SENP5: variants seen among roughly 807,000 people sequenced by gnomAD.
The protein encoded by SENP5 is SUMO specific peptidase 5, also known as sentrin-specific protease 5.
A neutral mutation model predicts 74.2 loss-of-function variants in SENP5; 21 were observed. That is an observed-to-expected ratio of 0.28 (90% confidence interval 0.20 to 0.41). The LOEUF is 0.41. Among genes scored for constraint, SENP5 ranks in the 10% least tolerant of loss-of-function variants. The pLI is 1.00. For synonymous variants in SENP5, 311 were observed against 312.7 expected (o/e 0.99, Z 0.06); for missense variants, 717 against 889.1 (o/e 0.81, Z 2.46).
Position 196,918,602 on chromosome 3 carries a change from G to C in SENP5, c.1885-4812G>C, listed in dbSNP as rs546324241. ...AACGCAAAGAAGGAAGGGAGGAAGG[G>C]AAGACCATAAAACAAGTAGAAAGCA... On this transcript the variant is annotated intron_variant, in intron 6 of 9. Transcript: ENST00000323460. Among the ~76,000 whole-genome samples, 14 of 151,974 alleles carry C rather than the reference G, an allele frequency of 9.2e-5. 1 individual carries two copies. The South Asian group carries it at 2.9e-3, about 32-fold the overall frequency.
chr3:196,897,366 A>C (rs564232019), intron 2 of SENP5, among the ~76,000 whole-genome samples: 1 of 152,208 alleles, frequency 6.6e-6, no homozygotes, highest in African/African-American at 2.4e-5. Flanking sequence ...TAGAAGCCCC[A>C]AATCTTTATC....
chr3:196,887,773 T>C (rs1170609047), intron 2 of SENP5, among the ~76,000 whole-genome samples: 1 of 152,058 alleles, frequency 6.6e-6, no homozygotes, highest in Admixed American at 6.6e-5. Context: ...TCTTTTTTTA[T>C]TTTTTATTTT....
intron 6 of SENP5, among the ~76,000 whole-genome samples, chr3:196,916,276 G>A (rs151312314): frequency 1.2e-3 from 179 of 152,064 alleles, no homozygotes; most frequent in African/African-American, 4.1e-3. Flanking sequence ...GCAGTGAGCC[G>A]AGATCATGCC....
intron 9 of SENP5, among the ~76,000 whole-genome samples, chr3:196,929,901 G>A (rs1602): frequency 0.81 from 122,549 of 151,762 alleles, 50,362 homozygotes; most frequent in African/African-American, 0.95. Flanking sequence ...AAGTGTGGGT[G>A]TCATCCATGT....
chr3:196,879,490 T>C (rs1244753324), intron 1 of SENP5, among the ~76,000 whole-genome samples: 4 of 152,234 alleles, frequency 2.6e-5, no homozygotes, highest in Non-Finnish European at 1.5e-5. Flanking sequence ...TCTATCAGGA[T>C]CACATTCTTG....
At chr3:196,898,335 A>C (rs1227940105) in intron 2 of SENP5, among the ~76,000 whole-genome samples, 2 of 151,674 alleles carry the variant, frequency 1.3e-5, no homozygotes, top group African/African-American at 4.8e-5. Context: ...AGCCACCTTT[A>C]AATTTTATTT....
At chr3:196,917,601 C>T (rs1234249519) in intron 6 of SENP5, among the ~76,000 whole-genome samples, 1 of 152,022 alleles carries the variant, frequency 6.6e-6, no homozygotes, top group Non-Finnish European at 1.5e-5. Flanking sequence ...GAAGGAGCTC[C>T]AATACATCTG....
chr3:196,926,352 C>T (rs1715810274), intron 7 of SENP5, among the ~76,000 whole-genome samples: 1 of 151,668 alleles, frequency 6.6e-6, no homozygotes, highest in African/African-American at 2.4e-5. Flanking sequence ...CATGGTGGTG[C>T]ACGCCTGTAG....
chr3:196,924,551 A>C (rs555557371), intron 7 of SENP5, among the ~76,000 whole-genome samples: 1 of 152,230 alleles, frequency 6.6e-6, no homozygotes, highest in African/African-American at 2.4e-5. Context: ...TTTGCCCATT[A>C]TGTTAGAAAA....
At chr3:196,928,175 T>A (rs1227725697) in intron 8 of SENP5, among the ~76,000 whole-genome samples, 24 of 152,332 alleles carry the variant, frequency 1.6e-4, no homozygotes. Flanking sequence ...GCCTCTTGCA[T>A]CATGGCTCTT....
chr3:196,904,704 G>C (rs761473909), intron 6 of SENP5, among the ~76,000 whole-genome samples: 1 of 152,064 alleles, frequency 6.6e-6, no homozygotes, highest in Non-Finnish European at 1.5e-5. Context: ...TGGGAGAATC[G>C]CTTGAACATG....
chr3:196,873,780 A>T (rs374703199), intron 1 of SENP5, among the ~76,000 whole-genome samples: 132 of 152,246 alleles, frequency 8.7e-4, no homozygotes, highest in Middle Eastern at 3.4e-3. Context: ...CGGAGCTTGC[A>T]GTGAGCTGAG....
chr3:196,876,298 C>T (rs1275044919), intron 1 of SENP5, among the ~76,000 whole-genome samples: 10 of 152,048 alleles, frequency 6.6e-5, no homozygotes, highest in African/African-American at 2.4e-4. Context: ...TTCCAGCAGG[C>T]GGATCATGAG....
chr3:196,873,579 G>A (rs911612568), intron 1 of SENP5, among the ~76,000 whole-genome samples: 6 of 151,734 alleles, frequency 4.0e-5, no homozygotes, highest in African/African-American at 1.4e-4. Context: ...GGTGGCTCAC[G>A]CCTGTAATCC....
At chr3:196,894,560 A>G (rs577398888) in intron 2 of SENP5, among the ~76,000 whole-genome samples, 3 of 149,318 alleles carry the variant, frequency 2.0e-5, no homozygotes, top group Non-Finnish European at 4.4e-5. Flanking sequence ...ATTTATTCCC[A>G]TGGGTCTGGG....
intron 6 of SENP5, among the ~76,000 whole-genome samples, chr3:196,920,846 A>T (rs115624660): frequency 2.0e-5 from 3 of 152,210 alleles, no homozygotes; most frequent in Non-Finnish European, 4.4e-5. Flanking sequence ...GAAAGTTTCA[A>T]TCTGATCGTG....
At chr3:196,904,504 T>G (rs965464847) in intron 6 of SENP5, among the ~76,000 whole-genome samples, 1 of 152,140 alleles carries the variant, frequency 6.6e-6, no homozygotes, top group African/African-American at 2.4e-5. Context: ...TTAGAGAGTT[T>G]AGGCCAGGTG....
chr3:196,883,509 C>A (rs917995891), intron 1 of SENP5, among the ~76,000 whole-genome samples: 8 of 152,152 alleles, frequency 5.3e-5, no homozygotes, highest in African/African-American at 1.9e-4. Flanking sequence ...CTGGGTCATC[C>A]TCCTCAGAAA....
chr3:196,893,604 G>A (rs1291030025), intron 2 of SENP5, among the ~76,000 whole-genome samples: 1 of 152,018 alleles, frequency 6.6e-6, no homozygotes, highest in African/African-American at 2.4e-5. Context: ...ATGGAAAAAA[G>A]CAGCTTCAAG....
Sources: allele counts gnomAD v4.1 joint callset (sites outside exome capture counted in the v4.1 genomes callset), GRCh38; gene constraint gnomAD v4.1.1; transcripts MANE v1.5; gene names NCBI Gene and HGNC (gene_info 2026-07-23, HGNC 2026-07-21).